ZNF592: variants seen among roughly 807,000 people sequenced by gnomAD.
ZNF592 encodes the protein zinc finger protein 592.
Under a neutral mutation model 80.3 loss-of-function variants are expected in ZNF592, and 11 were observed. That is an observed-to-expected ratio of 0.14 (90% CI 0.09 to 0.23). ZNF592 has a LOEUF of 0.23. Among genes scored for constraint, ZNF592 ranks in the 10% least tolerant of loss-of-function variants. The pLI is 1.00. For missense variants in ZNF592, 1,420 were observed against 1,633.9 expected (o/e 0.87, Z 2.26); for synonymous variants, 646 against 640.3 (o/e 1.01, Z -0.13).
Position 84,777,694 on chromosome 15 carries a change from C to CCTTTTTTTTTTTTTTTTT in ZNF592, c.-149-489_-149-488insCTTTTTTTTTTTTTTTTT, listed in dbSNP as rs1432630650. ...GAAAATAATTTCGTCTGTTGAGATA[C>CCTTTTTTTTTTTTTTTTT]TTTTTTTTTTTTTTTTTTTTTTTGA... On this transcript the variant is annotated intron_variant, in intron 2 of 10. Coordinates refer to ENST00000560079, the MANE Select transcript of ZNF592 (RefSeq NM_014630.3). Among the ~76,000 whole-genome samples, 4 of 98,414 alleles carry CCTTTTTTTTTTTTTTTTT rather than the reference C, an allele frequency of 4.1e-5. 2 individuals are homozygous for CCTTTTTTTTTTTTTTTTT. The highest frequency in any genetic ancestry group is 7.6e-5 in the African/African-American group (2 of 26,418). The allele number at this position is 98,414 out of a possible 152,430, so 64.6% of individuals were successfully genotyped here.
chr15:84,780,084 T>C (rs1962378499), intron 3 of ZNF592, among the ~76,000 whole-genome samples: 1 of 151,698 alleles, frequency 6.6e-6, no homozygotes, highest in Non-Finnish European at 1.5e-5. Context: ...CCTCCTGGGT[T>C]CAAGTGATTC....
chr15:84,761,548 G>A (rs940048025), intron 1 of ZNF592, among the ~76,000 whole-genome samples: 3 of 152,178 alleles, frequency 2.0e-5, no homozygotes, highest in Admixed American at 2.0e-4. Context: ...GTGAGTTTTG[G>A]AAGCAGGTGG....
intron 2 of ZNF592, among the ~76,000 whole-genome samples, chr15:84,774,918 T>C (rs1211093362): frequency 6.6e-6 from 1 of 150,750 alleles, no homozygotes. Flanking sequence ...GTAGCTGAGA[T>C]TACAGGTGTA....
intron 1 of ZNF592, among the ~76,000 whole-genome samples, chr15:84,758,286 A>T (rs1306714567): frequency 6.6e-6 from 1 of 151,662 alleles, no homozygotes; most frequent in Admixed American, 6.6e-5. Context: ...TTAATCCTTT[A>T]AAAAAAATTT....
chr15:84,775,089 C>T (rs1325171349), intron 2 of ZNF592, among the ~76,000 whole-genome samples: 1 of 151,170 alleles, frequency 6.6e-6, no homozygotes, highest in African/African-American at 2.4e-5. Flanking sequence ...CCACTGTTTT[C>T]TTTTTCTTTT....
chr15:84,777,940 C>T (rs1057309567), intron 2 of ZNF592, among the ~76,000 whole-genome samples: 62 of 152,136 alleles, frequency 4.1e-4, no homozygotes, highest in African/African-American at 1.4e-3. Context: ...CCTGGTGATC[C>T]GCCCGCCTCG....
chr15:84,753,251 G>A (rs1028383706), intron 1 of ZNF592: 7 of 152,382 alleles, frequency 4.6e-5, no homozygotes, highest in Admixed American at 4.6e-4. Flanking sequence ...TAAGTAGTGT[G>A]CGTAAATTTG....
In ZNF592 at chr15:84,757,733, A is replaced by G. The variant is rs568180042; in HGVS notation, c.-258-6974A>G. Among the ~76,000 whole-genome samples, 20 of 150,140 alleles carry G rather than the reference A, an allele frequency of 1.3e-4. 1 individual carries two copies. Among genetic ancestry groups the G allele is most frequent in the African/African-American group, 4.7e-4 (19 of 40,680 alleles). ...GAGTGCAGTGGCATGATCTCAGCTC[A>G]CTGCAACCTTCACCTCCCAGGTTCA... is the stretch of plus-strand genomic sequence containing the variant. On this transcript the variant is annotated intron_variant, in intron 1 of 10. Transcript: ENST00000560079.
chr15:84,764,561 C>T (rs1899444824), intron 1 of ZNF592, 146 bp from the exon 2 acceptor site: 1 of 380,568 alleles, frequency 2.6e-6, no homozygotes. Context: ...CATTTGTGGC[C>T]TGCTTGAATT....
intron 4 of ZNF592, among the ~76,000 whole-genome samples, chr15:84,786,874 G>A (rs138174521): frequency 0.059 from 7,516 of 126,742 alleles, 256 homozygotes; most frequent in African/African-American, 0.072. Flanking sequence ...TTTGTGAGAC[G>A]GAGTCTTGCT....
At chr15:84,773,558 G>A (rs1210568627) in intron 2 of ZNF592, among the ~76,000 whole-genome samples, 1 of 152,044 alleles carries the variant, frequency 6.6e-6, no homozygotes, top group Non-Finnish European at 1.5e-5. Context: ...TTCAGAGAGG[G>A]GCCCTGTCTT....
chr15:84,749,181 G>C (rs1311653897), intron 1 of ZNF592, among the ~76,000 whole-genome samples: 1 of 152,256 alleles, frequency 6.6e-6, no homozygotes, highest in African/African-American at 2.4e-5. Context: ...CCTGAGGAAG[G>C]TTTCTCCCGG....
chr15:84,760,623 C>T lies in ZNF592; in HGVS notation c.-258-4084C>T, dbSNP rs113985630. 8.1e-3 allele frequency among the ~76,000 whole-genome samples: 1,237 copies of T among 152,210 alleles called. 10 individuals carry two copies. Among genetic ancestry groups the T allele is most frequent in the Non-Finnish European group, 9.8e-3 (667 of 68,012 alleles). On this transcript the variant is annotated intron_variant, in intron 1 of 10. Coordinates refer to ENST00000560079, the MANE Select transcript of ZNF592 (RefSeq NM_014630.3). ...ATTATTGAATGAATGAAAGTACATG[C>T]GTGCATGTCTGCGGTGTGTGTGTGG... is the stretch of plus-strand genomic sequence containing the variant.
intron 1 of ZNF592, among the ~76,000 whole-genome samples, chr15:84,752,812 G>A (rs188581936): frequency 4.8e-4 from 73 of 152,188 alleles, no homozygotes; most frequent in African/African-American, 1.7e-3. Flanking sequence ...AGTTTTGTAG[G>A]GTGCTCAGAG....
intron 5 of ZNF592, among the ~76,000 whole-genome samples, chr15:84,794,481 C>CTT (rs56308142): frequency 2.1e-5 from 3 of 144,454 alleles, no homozygotes; most frequent in Admixed American, 7.0e-5. Flanking sequence ...TGGACTCCAA[C>CTT]TTTTTTTTTT....
rs760691133 is a variant in ZNF592, at chr15:84,774,438, C to G, written c.-149-3745C>G. On this transcript the variant is annotated intron_variant, in intron 2 of 10. Transcript: ENST00000560079. ...GAGTCCTTATTCAGCAGTGGTGTGT[C>G]TAATGGCTGGTCCTTGAGCACACAT... Among the ~76,000 whole-genome samples the G allele has an allele frequency of 2.6e-5, 4 of 152,192 alleles. No homozygotes were observed. In the South Asian group the frequency reaches 6.2e-4, roughly 24 times the overall value.
intron 3 of ZNF592, among the ~76,000 whole-genome samples, chr15:84,782,231 G>A (rs555026506): frequency 1.3e-5 from 2 of 152,302 alleles, no homozygotes; most frequent in South Asian, 2.1e-4. Flanking sequence ...GAGTAAATTA[G>A]CAGAAGTTAT....
rs1962473076 is a variant in ZNF592, at chr15:84,783,228, G to T, written c.553G>T (p.Ala185Ser). The change falls in exon 4 of 11, where the codon GCT (alanine) becomes TCT (serine). Residue 185 changes from alanine to serine, a missense_variant. Around this residue, in one of 7 missense-constraint regions of ZNF592, gnomAD observed 373 missense variants for 355.5 expected, o/e 1.05. Coordinates refer to ENST00000560079, the MANE Select transcript of ZNF592 (RefSeq NM_014630.3). This position sits in a 1 kb window ranked among gnomAD's most constrained non-coding sequence, Gnocchi z 5.0. Reference protein sequence around the residue: ...CGAVGGPVLEALAKFPVPELH... With the variant: ...CGAVGGPVLESLAKFPVPELH... Reference sequence around the variant, plus strand: ...GGCTGTGGGAGGCCCAGTCCTGGAGGCTCTGGCTAAGTTTCCGGTTCCAGA... The same window carrying T: ...GGCTGTGGGAGGCCCAGTCCTGGAGTCTCTGGCTAAGTTTCCGGTTCCAGA... 2 of 1,614,086 alleles carry T rather than the reference G, an allele frequency of 1.2e-6. No individual in the cohort carries two copies. Among genetic ancestry groups the T allele is most frequent in the South Asian group, 2.2e-5 (2 of 91,092 alleles).
intron 2 of ZNF592, among the ~76,000 whole-genome samples, chr15:84,776,088 T>A (rs746832049): frequency 6.6e-6 from 1 of 152,216 alleles, no homozygotes; most frequent in Non-Finnish European, 1.5e-5. Flanking sequence ...ACCAAACCAG[T>A]GATCCTGCCT....
Sources: gnomAD v4.1 joint callset for allele counts (sites outside exome capture counted in the v4.1 genomes callset) on GRCh38, gnomAD v4.1.1 for gene constraint, gnomAD v4.1.1 regional missense constraint, Gnocchi (gnomAD v3.1) non-coding constraint, MANE v1.5 for transcripts, NCBI Gene and HGNC (gene_info 2026-07-23, HGNC 2026-07-21) for gene names.